The following SCAF4 variants were observed in gnomAD, a reference collection of about 807,000 sequenced individuals.
SCAF4 encodes SR-related CTD associated factor 4.
SCAF4 carries 25 observed loss-of-function variants against 129.8 expected under a neutral mutation model. That is an observed-to-expected ratio of 0.19 (90% CI 0.14 to 0.27). The LOEUF (loss-of-function observed/expected upper bound fraction) is 0.27, where lower values mean the gene tolerates loss of function less well. Among genes scored for constraint, SCAF4 ranks in the 10% least tolerant of loss-of-function variants. SCAF4 has a pLI of 1.00. For synonymous variants in SCAF4, 551 were observed against 497.7 expected (o/e 1.11, Z -1.43); for missense variants, 1,246 against 1,457.1 (o/e 0.86, Z 2.36).
chr21:31,711,755 C>T (rs2050805337), intron 1 of SCAF4, among the ~76,000 whole-genome samples: 1 of 151,826 alleles, frequency 6.6e-6, no homozygotes, highest in South Asian at 2.1e-4. Flanking sequence ...CAATGTGGAC[C>T]CAAACTAGAA....
intron 2 of SCAF4, 49 bp downstream of exon 2, chr21:31,706,225 T>C (rs749083104): frequency 1.2e-5 from 15 of 1,239,602 alleles, no homozygotes; most frequent in Non-Finnish European, 1.6e-5. Flanking sequence ...GTAATAAATA[T>C]TTTCAAAATT....
chr21:31,714,964 G>A (rs559462199), intron 1 of SCAF4, among the ~76,000 whole-genome samples: 1 of 152,248 alleles, frequency 6.6e-6, no homozygotes, highest in South Asian at 2.1e-4. Flanking sequence ...TTTAAGTATG[G>A]TATCCTCAAA....
In SCAF4 at chr21:31,687,316, T is replaced by C. The variant is rs149874520; in HGVS notation, c.2043+991A>G. ...AAAAACATACTGAGTACTTAACATA[T>C]ATTATCTCATTTAACCCTCAAAACA... On this transcript the variant is annotated intron_variant, in intron 16 of 19. Transcript: ENST00000286835. Among the ~76,000 whole-genome samples, 306 of 152,246 alleles carry C rather than the reference T, an allele frequency of 2.0e-3. 1 individual carries two copies. Among genetic ancestry groups the C allele is most frequent in the African/African-American group, 7.1e-3 (296 of 41,544 alleles).
chr21:31,674,929 T>C (rs1188527461), intron 19 of SCAF4, among the ~76,000 whole-genome samples: 1 of 152,196 alleles, frequency 6.6e-6, no homozygotes, highest in African/African-American at 2.4e-5. Flanking sequence ...TGGCACAAGC[T>C]AGCATGGTGG....
Position 31,706,950 on chromosome 21 carries a change from T to A in SCAF4, c.31-593A>T, listed in dbSNP as rs193192949. ...GTATTTTTATCAACTATTTTGTAAA[T>A]GCAAGATTTTAGTAGGTCTAGAAAC... On this transcript the variant is annotated intron_variant, in intron 1 of 19. Coordinates refer to ENST00000286835, the MANE Select transcript of SCAF4 (RefSeq NM_020706.2). 2.9e-3 allele frequency: 889 copies of A among 309,878 alleles called. 2 individuals are homozygous for A. Among genetic ancestry groups the A allele is most frequent in the Non-Finnish European group, 3.9e-3 (640 of 163,382 alleles). 19.2% of individuals were successfully genotyped at this position (309,878 alleles called of 1,614,324 possible).
chr21:31,689,464 A>ATT (rs11299714), intron 15 of SCAF4, among the ~76,000 whole-genome samples: 3 of 132,650 alleles, frequency 2.3e-5, no homozygotes, highest in Non-Finnish European at 3.3e-5. Context: ...CATCCAGCTA[A>ATT]TTTTTTTTTT....
rs1654145784 is a variant in SCAF4 at position 31,688,442 on chromosome 21, C to T, written c.1908G>A (p.Lys636=). Residue 636 remains lysine, a synonymous_variant, in exon 16 of 20, where the codon AAG becomes AAA. Transcript: ENST00000286835. ...CATTTTGAGCAACTTCATTTTCAGG[C>T]TTCTTAGGAATTCCTTTCCAATCTG... ...LNPDWKGIPK[K]PENEVAQNGG... 1.2e-6 allele frequency: 2 copies of T among 1,613,854 alleles called. No homozygotes were observed. Among genetic ancestry groups the T allele is most frequent in the Non-Finnish European group, 1.7e-6 (2 of 1,179,870 alleles).
intron 19 of SCAF4, among the ~76,000 whole-genome samples, chr21:31,679,047 T>TC (rs2049935489): frequency 6.6e-6 from 1 of 152,182 alleles, no homozygotes; most frequent in African/African-American, 2.4e-5. Flanking sequence ...AGAAGATACC[T>TC]CTCAGGGAAT....
rs1288417406 is a variant in SCAF4 at position 31,703,701 on chromosome 21, C to CT, written c.321+63dup. On this transcript the variant is annotated intron_variant, in intron 4 of 19. Coordinates refer to ENST00000286835, the MANE Select transcript of SCAF4 (RefSeq NM_020706.2). ...TGGTAATATAGTAGGCTCCAAATAT[C>CT]TAACATACATTTAAAATAATATTTT... The CT allele has an allele frequency of 6.6e-6, 6 of 907,520 alleles. No homozygotes were observed. The Admixed American group carries it at 1.5e-4, about 22-fold the overall frequency. The allele number at this position is 907,520 out of a possible 1,614,324, so 56.2% of individuals were successfully genotyped here.
At chr21:31,703,637 G>A (rs1387023731) in intron 4 of SCAF4, 128 bp downstream of exon 4, 1 of 513,808 alleles carries the variant, frequency 1.9e-6, no homozygotes, top group Non-Finnish European at 3.4e-6. Flanking sequence ...AAACTGTTTT[G>A]TTTCAAGCTC....
intron 9 of SCAF4, 87 bp from the exon 10 acceptor site, chr21:31,695,067 T>C: frequency 5.6e-6 from 6 of 1,071,950 alleles, no homozygotes; most frequent in Non-Finnish European, 6.8e-6. Context: ...ATATCCTCAA[T>C]AAAGTTTGAT....
intron 19 of SCAF4, among the ~76,000 whole-genome samples, chr21:31,672,717 TTCACTA>T: frequency 6.6e-6 from 1 of 152,202 alleles, no homozygotes; most frequent in Non-Finnish European, 1.5e-5. Context: ...GATAAATACA[TTCACTA>T]TCAGTAACTA....
intron 1 of SCAF4, chr21:31,706,719 C>A (rs890941174): frequency 1.3e-5 from 3 of 224,100 alleles, no homozygotes; most frequent in African/African-American, 2.3e-5. Flanking sequence ...CAAAGATGTG[C>A]AAACAAAAGG....
intron 14 of SCAF4, among the ~76,000 whole-genome samples, chr21:31,691,592 A>G (rs2050260851): frequency 6.6e-6 from 1 of 152,110 alleles, no homozygotes; most frequent in African/African-American, 2.4e-5. Context: ...TAGGAAAAAC[A>G]AAACAAAACA....
intron 16 of SCAF4, among the ~76,000 whole-genome samples, chr21:31,686,580 C>T (rs554411654): frequency 2.6e-5 from 4 of 152,198 alleles, no homozygotes; most frequent in Non-Finnish European, 4.4e-5. Flanking sequence ...CTTAAATACC[C>T]AACAAACGTT....
Position 31,696,584 on chromosome 21 carries a change from G to A in SCAF4, c.944C>T (p.Pro315Leu). ...AAAAACTAACAATGGTGCCTGTGGA[G>A]GAGGAGGAGAGGCAGCAGCGGGTGC... ...AAAPAAASPP[P>L]PQAPFGFPGD... Residue 315 changes from proline to leucine, a missense_variant, in exon 8 of 20, where the codon CCT becomes CTT. By Grantham distance (98) the Pro-to-Leu change is moderately conservative. Coordinates refer to ENST00000286835, the MANE Select transcript of SCAF4 (RefSeq NM_020706.2). 1 of 1,608,378 alleles carries A rather than the reference G, an allele frequency of 6.2e-7. No individual in the cohort carries two copies. Among genetic ancestry groups the A allele is most frequent in the Non-Finnish European group, 8.5e-7 (1 of 1,176,972 alleles).
At chr21:31,704,182 T>A (rs1601235957) in intron 3 of SCAF4, among the ~76,000 whole-genome samples, 1 of 152,140 alleles carries the variant, frequency 6.6e-6, no homozygotes, top group South Asian at 2.1e-4. Flanking sequence ...ACACCCAATG[T>A]CCCAAAATCG....
Position 31,725,267 on chromosome 21 carries a change from T to TA in SCAF4, c.30+6395dup, listed in dbSNP as rs143522390. 7.5e-3 allele frequency among the ~76,000 whole-genome samples: 1,120 copies of TA among 149,248 alleles called. 11 individuals carry two copies. Among genetic ancestry groups the TA allele is most frequent in the African/African-American group, 0.025 (1,004 of 40,824 alleles). Reference sequence around the variant, plus strand: ...AACCCCAAACATTAACACTACAGGTTAAAAAAAAAATACTTAATAAGGCAT... The same window carrying TA: ...AACCCCAAACATTAACACTACAGGTTAAAAAAAAAAATACTTAATAAGGCAT... On this transcript the variant is annotated intron_variant, in intron 1 of 19. Transcript: ENST00000286835.
Position 31,693,236 on chromosome 21 carries a change from T to C in SCAF4, c.1513+58A>G, listed in dbSNP as rs534179943. Reference sequence around the variant, plus strand: ...AGTTTTGCTAACAGTTATAAAACACTTTAAACCCAAGACATGAAAAAATAG... The same window carrying C: ...AGTTTTGCTAACAGTTATAAAACACCTTAAACCCAAGACATGAAAAAATAG... On this transcript the variant is annotated intron_variant, in intron 12 of 19. Coordinates refer to ENST00000286835, the MANE Select transcript of SCAF4 (RefSeq NM_020706.2). 4.1e-5 allele frequency: 51 copies of C among 1,256,516 alleles called. No individual in the cohort carries two copies. The South Asian group carries it at 6.0e-4, about 15-fold the overall frequency. 77.8% of individuals were successfully genotyped at this position (1,256,516 alleles called of 1,614,324 possible).
Sources: allele counts gnomAD v4.1 joint callset (sites outside exome capture counted in the v4.1 genomes callset), GRCh38; gene constraint gnomAD v4.1.1; transcripts MANE v1.5; gene names NCBI Gene and HGNC (gene_info 2026-07-23, HGNC 2026-07-21).